Variants in NELL1 observed in about 807,000 individuals in gnomAD.
NELL1 encodes neural EGFL like 1, also known as protein kinase C-binding protein NELL1.
NELL1 carries 76 observed loss-of-function variants against 107.4 expected under a neutral mutation model. The observed-to-expected ratio is 0.71, with a 90% CI of 0.59 to 0.86. The LOEUF is 0.86. Among genes scored for constraint, NELL1 ranks in the 40% least tolerant of loss-of-function variants. The pLI is 0.00. For missense variants in NELL1, 1,024 were observed against 1,005.5 expected, an observed-to-expected ratio of 1.02 and a Z score of -0.25; for synonymous variants, 353 against 341.2, an observed-to-expected ratio of 1.03 and a Z score of -0.38.
intron 12 of NELL1, among the ~76,000 whole-genome samples, chr11:20,975,680 GTATTATATAA>G (rs1851596013): frequency 1.6e-5 from 2 of 124,984 alleles, no homozygotes; most frequent in African/African-American, 6.0e-5. Context: ...TATTATATAT[GTATTATATAA>G]TGTATGTATT....
intron 9 of NELL1, among the ~76,000 whole-genome samples, chr11:20,934,280 T>C (rs1204445829): frequency 2.0e-5 from 3 of 152,186 alleles, no homozygotes; most frequent in Admixed American, 2.0e-4. Flanking sequence ...CATCCTAAGA[T>C]AATTTCATAG....
intron 16 of NELL1, among the ~76,000 whole-genome samples, chr11:21,544,086 T>C (rs1564951744): frequency 6.6e-6 from 1 of 151,904 alleles, no homozygotes; most frequent in African/African-American, 2.4e-5. Flanking sequence ...AACTACAACT[T>C]TGGACCATGA....
chr11:21,165,209 A>G (rs1386020448), intron 13 of NELL1, among the ~76,000 whole-genome samples: 26 of 152,266 alleles, frequency 1.7e-4, no homozygotes, highest in Admixed American at 1.1e-3. Flanking sequence ...GGTATGTCCT[A>G]TGGTTTTCTG....
intron 13 of NELL1, among the ~76,000 whole-genome samples, chr11:21,130,371 T>A (rs1478103519): frequency 6.6e-6 from 1 of 152,120 alleles, no homozygotes; most frequent in Admixed American, 6.5e-5. Flanking sequence ...TTTTACTAAT[T>A]TTTTTCTATA....
At chr11:21,300,879 T>A (rs1323974956) in intron 14 of NELL1, among the ~76,000 whole-genome samples, 3 of 152,072 alleles carry the variant, frequency 2.0e-5, no homozygotes, top group Admixed American at 6.6e-5. Flanking sequence ...ATTAGGTATA[T>A]CTCCTAATGC....
At chr11:20,839,574 G>A (rs555651548) in intron 3 of NELL1, among the ~76,000 whole-genome samples, 1 of 152,240 alleles carries the variant, frequency 6.6e-6, no homozygotes, top group South Asian at 2.1e-4. Flanking sequence ...CAGTTTGTAA[G>A]GCAATTTACA....
chr11:21,230,330 A>G (rs554593130), intron 14 of NELL1, among the ~76,000 whole-genome samples: 1 of 152,018 alleles, frequency 6.6e-6, no homozygotes, highest in African/African-American at 2.4e-5. Flanking sequence ...TGGTGTTTAG[A>G]TATTATCTGC....
At chr11:21,098,983 G>C (rs1462618658) in intron 12 of NELL1, among the ~76,000 whole-genome samples, 2 of 151,744 alleles carry the variant, frequency 1.3e-5, no homozygotes, top group Non-Finnish European at 2.9e-5. Flanking sequence ...TTATATTTGT[G>C]TATTTTAATT....
intron 14 of NELL1, among the ~76,000 whole-genome samples, chr11:21,307,782 A>G (rs540404690): frequency 5.3e-5 from 8 of 152,142 alleles, no homozygotes; most frequent in African/African-American, 1.9e-4. Flanking sequence ...AGAGGCCTAT[A>G]TGAACCCTTA....
intron 14 of NELL1, among the ~76,000 whole-genome samples, chr11:21,327,162 G>GTT (rs369129791): frequency 0.014 from 1,393 of 96,844 alleles, 21 homozygotes; most frequent in Non-Finnish European, 0.022. Context: ...GAGATCTGAT[G>GTT]TTTTTTTTTT....
chr11:20,686,601 C>A (rs1249582375), intron 2 of NELL1, among the ~76,000 whole-genome samples: 1 of 152,126 alleles, frequency 6.6e-6, no homozygotes, highest in East Asian at 1.9e-4. Flanking sequence ...ACACAAACAG[C>A]TGAATTTGTT....
At chr11:20,732,750 G>A (rs964461094) in intron 2 of NELL1, among the ~76,000 whole-genome samples, 1 of 152,186 alleles carries the variant, frequency 6.6e-6, no homozygotes, top group Non-Finnish European at 1.5e-5. Flanking sequence ...ATCCTGGAAA[G>A]TTAGGTTAGA....
At chr11:21,433,269 A>T (rs890273585) in intron 15 of NELL1, among the ~76,000 whole-genome samples, 1 of 152,166 alleles carries the variant, frequency 6.6e-6, no homozygotes, top group Non-Finnish European at 1.5e-5. Flanking sequence ...TTCTGTATCC[A>T]TTCATCTGCT....
intron 9 of NELL1, among the ~76,000 whole-genome samples, chr11:20,935,462 T>C (rs1405749805): frequency 1.3e-5 from 2 of 151,974 alleles, no homozygotes; most frequent in African/African-American, 4.8e-5. Flanking sequence ...AGAACATATG[T>C]GGAGGTGTGG....
intron 2 of NELL1, chr11:20,769,513 T>C (rs1856599834): frequency 1.3e-5 from 2 of 152,200 alleles, no homozygotes; most frequent in African/African-American, 4.8e-5. Context: ...GATATTTCTC[T>C]CCAGACTGAG....
chr11:21,319,743 A>G (rs925704374), intron 14 of NELL1, among the ~76,000 whole-genome samples: 6 of 151,616 alleles, frequency 4.0e-5, no homozygotes, highest in Non-Finnish European at 7.4e-5. Flanking sequence ...AGGTCAGGAG[A>G]TTGAGATCAT....
intron 9 of NELL1, among the ~76,000 whole-genome samples, chr11:20,934,294 C>T (rs2134180832): frequency 6.6e-6 from 1 of 152,312 alleles, no homozygotes; most frequent in Admixed American, 6.5e-5. Context: ...TTCATAGATA[C>T]ATACATTCTG....
intron 12 of NELL1, among the ~76,000 whole-genome samples, chr11:20,976,104 A>G (rs11820741): frequency 0.4 from 56,798 of 142,430 alleles, 13,225 homozygotes; most frequent in African/African-American, 0.61. Flanking sequence ...ATATATACAC[A>G]TATCTGTACA....
chr11:21,536,937 T>C (rs1856154942), intron 16 of NELL1, among the ~76,000 whole-genome samples: 1 of 152,144 alleles, frequency 6.6e-6, no homozygotes, highest in African/African-American at 2.4e-5. Context: ...AAGGATGCGG[T>C]AAAATTCCTG....
Sources: allele counts gnomAD v4.1 joint callset (sites outside exome capture counted in the v4.1 genomes callset), GRCh38; gene constraint gnomAD v4.1.1; transcripts MANE v1.5; gene names NCBI Gene and HGNC (gene_info 2026-07-23, HGNC 2026-07-21).